The following UBE2D4 variants were observed in gnomAD, a reference collection of about 807,000 sequenced individuals.
UBE2D4 encodes ubiquitin-conjugating enzyme E2 D4.
A neutral mutation model predicts 23.0 loss-of-function variants in UBE2D4; 17 were observed. The ratio of observed to expected loss-of-function variants is 0.74; its 90% CI spans 0.51 to 1.11. The LOEUF (loss-of-function observed/expected upper bound fraction) is 1.11, where lower values mean the gene tolerates loss of function less well. UBE2D4 is among the 50% of genes least tolerant of loss of function. The pLI is 0.00. For synonymous variants in UBE2D4, 61 were observed against 69.4 expected, an observed-to-expected ratio of 0.88 and a Z score of 0.60; for missense variants, 139 against 181.8, an observed-to-expected ratio of 0.76 and a Z score of 1.35.
chr7:43,940,364 CCCTCTTACCTG>C (rs1439848180), intron 2 of UBE2D4, among the ~76,000 whole-genome samples: 1 of 152,196 alleles, frequency 6.6e-6, no homozygotes, highest in African/African-American at 2.4e-5. Flanking sequence ...AGCATGCTTC[CCCTCTTACCTG>C]TCACTTAAGA....
chr7:43,938,790 C>T (rs1021656460), intron 2 of UBE2D4, among the ~76,000 whole-genome samples: 3 of 152,216 alleles, frequency 2.0e-5, no homozygotes, highest in African/African-American at 7.2e-5. Context: ...GAGCCAAGAT[C>T]GTGCCACTGC....
intron 1 of UBE2D4, among the ~76,000 whole-genome samples, chr7:43,927,820 T>A (rs569081209): frequency 6.6e-6 from 1 of 152,330 alleles, no homozygotes; most frequent in East Asian, 1.9e-4. Context: ...TTAAATGCTA[T>A]GAAATGTGTT....
chr7:43,931,984 G>A (rs2095946710), intron 1 of UBE2D4, among the ~76,000 whole-genome samples: 1 of 149,286 alleles, frequency 6.7e-6, no homozygotes, highest in Non-Finnish European at 1.5e-5. Context: ...CACTGTGCCT[G>A]GCCATGACAC....
rs1002506858 is a variant in UBE2D4, at chr7:43,949,047, T to C, written c.304+310T>C. On this transcript the variant is annotated intron_variant, in intron 5 of 6. Coordinates refer to ENST00000222402, the MANE Select transcript of UBE2D4 (RefSeq NM_015983.4). ...ATCCAAAAATAAGAAAGGCAAATAT[T>C]ACATTACCTTCTCTGTTCCCTCATT... The C allele has an allele frequency of 1.6e-5, 7 of 433,388 alleles. No homozygotes were observed. The Admixed American group carries it at 2.7e-4, about 17-fold the overall frequency. 26.8% of individuals were successfully genotyped at this position (433,388 alleles called of 1,614,324 possible). A position where few individuals can be genotyped will look rare whatever the true frequency, so the allele number is the denominator to read the frequency against.
At chr7:43,948,350 C>A (rs1859620) in intron 4 of UBE2D4, among the ~76,000 whole-genome samples, 1 of 152,152 alleles carries the variant, frequency 6.6e-6, no homozygotes, top group South Asian at 2.1e-4. Context: ...TTTCCACCAC[C>A]CTTGTTATTC....
rs141918702 is a variant in UBE2D4 at position 43,932,724 on chromosome 7, T to C, written c.25-5707T>C. ...ATAAGAATCGCTTGAACCCAGGAGA[T>C]GGAGGTTGCAGTGAACCAAGATGGC... On this transcript the variant is annotated intron_variant, in intron 1 of 6. Transcript: ENST00000222402. 3.8e-3 allele frequency among the ~76,000 whole-genome samples: 574 copies of C among 151,676 alleles called. 3 individuals are homozygous for C. Among genetic ancestry groups the C allele is most frequent in the African/African-American group, 0.013 (518 of 41,334 alleles).
chr7:43,941,276 C>T (rs1446482991), intron 2 of UBE2D4: 2 of 152,234 alleles, frequency 1.3e-5, no homozygotes, highest in Non-Finnish European at 2.9e-5. Context: ...GCATTTTCCA[C>T]CAAGGCCCTA....
At chr7:43,936,497 A>G (rs2095959084) in intron 1 of UBE2D4, among the ~76,000 whole-genome samples, 1 of 152,136 alleles carries the variant, frequency 6.6e-6, no homozygotes, top group African/African-American at 2.4e-5. Flanking sequence ...TAAAATATTT[A>G]TATATTTAAT....
chr7:43,952,606 C>A (rs559697804), intron 6 of UBE2D4, 44 bp from the exon 7 acceptor site: 1 of 1,567,088 alleles, frequency 6.4e-7, no homozygotes, highest in Non-Finnish European at 8.8e-7. Flanking sequence ...AGGGAAGTGA[C>A]CATTTCAAGT....
chr7:43,953,237 C>A lies in UBE2D4; in HGVS notation c.*542C>A, dbSNP rs902956494. ...AACAGTGTCACTGGGAAGTGAAGGC[C>A]TAGCCCTGTGGCTTCCACCAGTCTC... On this transcript the variant is annotated 3_prime_UTR_variant, in exon 7 of 7. Coordinates refer to ENST00000222402, the MANE Select transcript of UBE2D4 (RefSeq NM_015983.4). 6.6e-6 allele frequency: 3 copies of A among 456,368 alleles called. No individual in the cohort carries two copies. Among genetic ancestry groups the A allele is most frequent in the Middle Eastern group, 6.8e-4 (2 of 2,948 alleles). 28.3% of individuals were successfully genotyped at this position (456,368 alleles called of 1,614,324 possible). A position where few individuals can be genotyped will look rare whatever the true frequency, so the allele number is the denominator to read the frequency against.
chr7:43,949,696 T>C (rs1280185204), intron 5 of UBE2D4, among the ~76,000 whole-genome samples: 1 of 152,172 alleles, frequency 6.6e-6, no homozygotes, highest in Non-Finnish European at 1.5e-5. Flanking sequence ...ACCCCAAGAA[T>C]CCAGGCACCA....
intron 1 of UBE2D4, among the ~76,000 whole-genome samples, chr7:43,934,742 T>G (rs1448519250): frequency 6.6e-6 from 1 of 152,054 alleles, no homozygotes; most frequent in Non-Finnish European, 1.5e-5. Flanking sequence ...AAAAAAAATA[T>G]TTTTTCTCAT....
At chr7:43,927,138 A>G (rs181768354) in intron 1 of UBE2D4, among the ~76,000 whole-genome samples, 1 of 152,290 alleles carries the variant, frequency 6.6e-6, no homozygotes, top group Non-Finnish European at 1.5e-5. Context: ...ACAACAGTAG[A>G]AGAAAGAAGT....
At chr7:43,951,260 C>T (rs1212132273) in intron 6 of UBE2D4, among the ~76,000 whole-genome samples, 2 of 152,182 alleles carry the variant, frequency 1.3e-5, no homozygotes, top group African/African-American at 4.8e-5. Context: ...CTAGGCCAGG[C>T]ACAACCACAT....
Position 43,954,230 on chromosome 7 carries a change from G to C in UBE2D4, c.*1535G>C, listed in dbSNP as rs145762076. ...CCCCTTTTGGGGTTCTTTGGGTGTG[G>C]CTGCATCTCACCATGTTGAGGATTG... is the stretch of plus-strand genomic sequence containing the variant. On this transcript the variant is annotated 3_prime_UTR_variant, in exon 7 of 7. Transcript: ENST00000222402. 9.3e-5 allele frequency: 14 copies of C among 149,760 alleles called. No homozygotes were observed. In the East Asian group the frequency reaches 2.3e-3, roughly 25 times the overall value. 9.3% of individuals were successfully genotyped at this position (149,760 alleles called of 1,614,324 possible).
chr7:43,929,997 C>G (rs953996602), intron 1 of UBE2D4, among the ~76,000 whole-genome samples: 1 of 152,186 alleles, frequency 6.6e-6, no homozygotes, highest in Non-Finnish European at 1.5e-5. Flanking sequence ...CTCAGTCCCC[C>G]TCTCCTGGTC....
intron 5 of UBE2D4, 186 bp downstream of exon 5, chr7:43,948,923 C>T (rs562181055): frequency 1.8e-6 from 1 of 565,008 alleles, no homozygotes; most frequent in Non-Finnish European, 3.2e-6. Context: ...GAACTTTGTG[C>T]CCCGCTCCCT....
In UBE2D4 at chr7:43,942,767, G is replaced by A. The variant is rs930820361; in HGVS notation, c.89-59G>A. ...GCTGTAATTTAGCAGTGCGTTTTCAGTAGAATGACATGTTTCTTGGGGGGT... is the reference window on the plus strand; with the variant it reads ...GCTGTAATTTAGCAGTGCGTTTTCAATAGAATGACATGTTTCTTGGGGGGT... On this transcript the variant is annotated intron_variant, in intron 2 of 6. Transcript: ENST00000222402. The A allele has an allele frequency of 8.7e-6, 14 of 1,611,492 alleles. No homozygotes were observed. In the Admixed American group the frequency reaches 2.2e-4, roughly 25 times the overall value.
chr7:43,926,754 G>GGGGCC (rs2095932009), intron 1 of UBE2D4, among the ~76,000 whole-genome samples, 198 bp downstream of exon 1: 1 of 151,986 alleles, frequency 6.6e-6, no homozygotes, highest in East Asian at 1.9e-4. Context: ...AGCGCGGGGC[G>GGGGCC]GGGCCGGGCC....
Sources: allele counts gnomAD v4.1 joint callset (sites outside exome capture counted in the v4.1 genomes callset), GRCh38; gene constraint gnomAD v4.1.1; transcripts MANE v1.5; gene names NCBI Gene and HGNC (gene_info 2026-07-23, HGNC 2026-07-21).